Variants in HS6ST3 observed in about 807,000 individuals in gnomAD.
HS6ST3 encodes heparan sulfate 6-O-sulfotransferase 3, also known as heparan-sulfate 6-O-sulfotransferase 3.
In HS6ST3, 12 loss-of-function variants were observed where a neutral mutation model predicts 36.7. That is an observed-to-expected ratio of 0.33 (90% CI 0.21 to 0.53). The LOEUF is 0.53. Among genes scored for constraint, HS6ST3 ranks in the 20% least tolerant of loss-of-function variants. The pLI is 0.95. For missense variants in HS6ST3, 584 were observed against 640.9 expected, an observed-to-expected ratio of 0.91 and a Z score of 0.96; for synonymous variants, 240 against 257.5, an observed-to-expected ratio of 0.93 and a Z score of 0.65.
At chr13:96,718,156 A>G (rs1314421202) in intron 1 of HS6ST3, among the ~76,000 whole-genome samples, 2 of 152,178 alleles carry the variant, frequency 1.3e-5, no homozygotes, top group Non-Finnish European at 2.9e-5. Context: ...AGCACTCTGT[A>G]GTACTTATTG....
At chr13:96,108,857 A>T (rs549211843) in intron 1 of HS6ST3, among the ~76,000 whole-genome samples, 1 of 152,276 alleles carries the variant, frequency 6.6e-6, no homozygotes, top group South Asian at 2.1e-4. Flanking sequence ...AAAGCTCCTC[A>T]TCCTTCAGTA....
intron 1 of HS6ST3, among the ~76,000 whole-genome samples, chr13:96,594,473 C>G (rs1476602859): frequency 6.6e-6 from 1 of 151,904 alleles, no homozygotes; most frequent in African/African-American, 2.4e-5. Context: ...TTATGTGTAT[C>G]TACTATAGAC....
chr13:96,290,712 G>A (rs1319895421), intron 1 of HS6ST3, among the ~76,000 whole-genome samples: 2 of 152,274 alleles, frequency 1.3e-5, no homozygotes, highest in African/African-American at 2.4e-5. Context: ...GGAAGTCACA[G>A]CACTTCATTC....
chr13:96,330,279 G>A (rs1251410959), intron 1 of HS6ST3, among the ~76,000 whole-genome samples: 1 of 151,904 alleles, frequency 6.6e-6, no homozygotes, highest in African/African-American at 2.4e-5. Context: ...TCCTAGTCTT[G>A]ATGGTCTTTA....
chr13:96,126,214 A>G (rs907049697), intron 1 of HS6ST3, among the ~76,000 whole-genome samples: 2 of 151,990 alleles, frequency 1.3e-5, no homozygotes, highest in Non-Finnish European at 2.9e-5. Context: ...CTTGACTTCT[A>G]TTCTTTTCCA....
chr13:96,637,668 C>A (rs1230788691), intron 1 of HS6ST3, among the ~76,000 whole-genome samples: 1 of 151,994 alleles, frequency 6.6e-6, no homozygotes, highest in African/African-American at 2.4e-5. Flanking sequence ...GAATACTCTC[C>A]AGGTACCAGG....
intron 1 of HS6ST3, among the ~76,000 whole-genome samples, chr13:96,709,281 C>T (rs1355414168): frequency 6.6e-6 from 1 of 152,208 alleles, no homozygotes; most frequent in Non-Finnish European, 1.5e-5. Context: ...AATTACACCT[C>T]TTTTGTTTAT....
chr13:96,798,427 G>T (rs1877966139), intron 1 of HS6ST3, among the ~76,000 whole-genome samples: 1 of 152,046 alleles, frequency 6.6e-6, no homozygotes, highest in African/African-American at 2.4e-5. Flanking sequence ...CTACCTAAGG[G>T]CTTCCAGCCA....
At chr13:96,341,004 C>A (rs2055127444) in intron 1 of HS6ST3, among the ~76,000 whole-genome samples, 1 of 152,102 alleles carries the variant, frequency 6.6e-6, no homozygotes, top group Admixed American at 6.5e-5. Flanking sequence ...AAGTAGTCTT[C>A]TACAGTGTTG....
intron 1 of HS6ST3, among the ~76,000 whole-genome samples, chr13:96,754,806 A>C (rs560377269): frequency 2.0e-5 from 3 of 152,236 alleles, no homozygotes; most frequent in Non-Finnish European, 4.4e-5. Flanking sequence ...ATTTCAATAA[A>C]GTAGTCTAAG....
chr13:96,662,881 C>A (rs80222417), intron 1 of HS6ST3, among the ~76,000 whole-genome samples: 1 of 152,124 alleles, frequency 6.6e-6, no homozygotes, highest in Non-Finnish European at 1.5e-5. Context: ...GTTCAACCTC[C>A]AGGCCAGTAG....
intron 1 of HS6ST3, among the ~76,000 whole-genome samples, chr13:96,691,683 G>A (rs497407): frequency 0.99 from 149,571 of 151,828 alleles, 73,708 homozygotes; most frequent in Middle Eastern, 1. Context: ...TTTGTCCTAT[G>A]TCTTTGAAAC....
chr13:96,601,065 A>G (rs1331978468), intron 1 of HS6ST3, among the ~76,000 whole-genome samples: 2 of 152,106 alleles, frequency 1.3e-5, no homozygotes, highest in African/African-American at 4.8e-5. Context: ...CCTATAAGTT[A>G]TCCAATGCTT....
At chr13:96,301,207 C>T (rs1057145176) in intron 1 of HS6ST3, among the ~76,000 whole-genome samples, 1 of 152,150 alleles carries the variant, frequency 6.6e-6, no homozygotes, top group Non-Finnish European at 1.5e-5. Flanking sequence ...TAATCCTCCT[C>T]CTATATACAG....
intron 1 of HS6ST3, among the ~76,000 whole-genome samples, chr13:96,746,224 A>G (rs748424601): frequency 2.0e-5 from 3 of 152,130 alleles, no homozygotes; most frequent in African/African-American, 7.2e-5. Context: ...CATTTTTAAT[A>G]TAATTCCAGT....
At chr13:96,612,119 A>C (rs2056459013) in intron 1 of HS6ST3, among the ~76,000 whole-genome samples, 1 of 152,154 alleles carries the variant, frequency 6.6e-6, no homozygotes. Context: ...TGGTGGGCAA[A>C]GAATGGGAGA....
chr13:96,107,089 C>T (rs1481199610), intron 1 of HS6ST3, among the ~76,000 whole-genome samples: 1 of 152,058 alleles, frequency 6.6e-6, no homozygotes, highest in East Asian at 1.9e-4. Flanking sequence ...CATTTTAGTG[C>T]CAGATCTTGT....
Position 96,091,109 on chromosome 13 carries a change from C to A in HS6ST3, c.247C>A (p.Arg83=). ...GCCCCGGGGGCCCCCCGAGGGACCT[C>A]GGGGGGCCGCGGCGCCGGAGGAGGA... ...PPPRGPPEGP[R]GAAAPEEEDE... Residue 83 remains arginine (R), a synonymous_variant, in exon 1 of 2, where the codon CGG becomes AGG. Transcript: ENST00000376705. 1.4e-6 allele frequency: 2 copies of A among 1,418,066 alleles called. No homozygotes were observed. Among genetic ancestry groups the A allele is most frequent in the African/African-American group, 1.5e-5 (1 of 67,034 alleles). 87.8% of individuals were successfully genotyped at this position (1,418,066 alleles called of 1,614,324 possible).
rs529199131 is a variant in HS6ST3, at chr13:96,229,987, G to A, written c.707+138418G>A. Among the ~76,000 whole-genome samples, 9 of 152,308 alleles carry A rather than the reference G, an allele frequency of 5.9e-5. No individual in the cohort carries two copies. The South Asian group carries it at 1.9e-3, about 32-fold the overall frequency. Reference sequence around the variant, plus strand: ...GAATATTCTCTACAGTACATGCGGAGTTAGGAAAGCACGGGGTATGTTCAA... The same window carrying A: ...GAATATTCTCTACAGTACATGCGGAATTAGGAAAGCACGGGGTATGTTCAA... On this transcript the variant is annotated intron_variant, in intron 1 of 1. Transcript: ENST00000376705.
Sources: gnomAD v4.1 joint callset for allele counts (sites outside exome capture counted in the v4.1 genomes callset) on GRCh38, gnomAD v4.1.1 for gene constraint, MANE v1.5 for transcripts, NCBI Gene and HGNC (gene_info 2026-07-23, HGNC 2026-07-21) for gene names.